The following C12orf42 variants were observed in gnomAD, a reference collection of about 807,000 sequenced individuals.
The protein encoded by C12orf42 is chromosome 12 open reading frame 42.
In C12orf42, 25 loss-of-function variants were observed where a neutral mutation model predicts 21.6. That is an observed-to-expected ratio of 1.16 (90% CI 0.84 to 1.62). The LOEUF is 1.62. C12orf42 is among the 40% of genes most tolerant of loss of function. The pLI, the probability that C12orf42 is intolerant of heterozygous loss-of-function variation, is 0.00. For missense variants in C12orf42, 483 were observed against 459.3 expected (o/e 1.05, Z -0.47); for synonymous variants, 174 against 175.0 (o/e 0.99, Z 0.05).
At chr12:103,341,112 CAAAAAAAA>C (rs34154888) in intron 4 of C12orf42, among the ~76,000 whole-genome samples, 2 of 47,684 alleles carry the variant, frequency 4.2e-5, no homozygotes, top group African/African-American at 8.0e-5. Flanking sequence ...GACTCTGTCT[CAAAAAAAA>C]AAAAAAAAAA....
At chr12:103,106,810 GAATT>G in the C12orf42 span, among the ~76,000 whole-genome samples, 1 of 151,836 alleles carries the variant, frequency 6.6e-6, no homozygotes, top group African/African-American at 2.4e-5. Flanking sequence ...CAAGAAATAG[GAATT>G]AATTTAACTC....
chr12:103,549,155 A>G, the C12orf42 span, among the ~76,000 whole-genome samples: 4 of 152,366 alleles, frequency 2.6e-5, no homozygotes, highest in African/African-American at 7.2e-5. Flanking sequence ...ATGAAGATCT[A>G]TAAGGTCTCA....
chr12:103,097,857 G>C, the C12orf42 span, among the ~76,000 whole-genome samples: 7 of 152,200 alleles, frequency 4.6e-5, no homozygotes, highest in Non-Finnish European at 1.0e-4. Context: ...GGACACAAAA[G>C]CTGCTTTTGA....
rs200037193 is a variant in C12orf42, at chr12:103,368,321, A to T, written c.259+566T>A. 5.7e-3 allele frequency among the ~76,000 whole-genome samples: 697 copies of T among 122,514 alleles called. 2 individuals carry two copies. The highest frequency in any genetic ancestry group is 0.014 in the African/African-American group (525 of 38,322). 80.4% of individuals were successfully genotyped at this position (122,514 alleles called of 152,430 possible). A position where few individuals can be genotyped will look rare whatever the true frequency, so the allele number is the denominator to read the frequency against. On this transcript the variant is annotated intron_variant, in intron 4 of 5. Transcript: ENST00000548883. Reference sequence around the variant, plus strand: ...CTCTCTTTCTGTCTCTCTCTCTCACACACACACACACACACACACACACAC... The same window carrying T: ...CTCTCTTTCTGTCTCTCTCTCTCACTCACACACACACACACACACACACAC...
intron 2 of C12orf42, among the ~76,000 whole-genome samples, chr12:103,440,250 G>A (rs1277088984): frequency 8.0e-6 from 1 of 125,724 alleles, no homozygotes; most frequent in East Asian, 2.4e-4. Flanking sequence ...ACACGCTGGG[G>A]ACTGTGGTGG....
chr12:103,200,620 T>C, the C12orf42 span, among the ~76,000 whole-genome samples: 4 of 152,190 alleles, frequency 2.6e-5, no homozygotes, highest in African/African-American at 9.7e-5. Context: ...ATTAATTATG[T>C]ATGTTGAATT....
At chr12:103,315,233 G>A (rs2039345952) in intron 4 of C12orf42, among the ~76,000 whole-genome samples, 2 of 152,040 alleles carry the variant, frequency 1.3e-5, no homozygotes, top group South Asian at 4.1e-4. Context: ...AAGAGACAAA[G>A]CAAGCATAAG....
chr12:103,478,248 A>G, intron 2 of C12orf42, 101 bp downstream of exon 2: 1 of 708,148 alleles, frequency 1.4e-6, no homozygotes. Flanking sequence ...CTAAAATATA[A>G]TATCAATGAC....
the C12orf42 span, among the ~76,000 whole-genome samples, chr12:103,198,767 CA>C: frequency 1.3e-5 from 2 of 152,196 alleles, no homozygotes. Flanking sequence ...CTGTGTTTAG[CA>C]ATCCCATGCA....
At chr12:103,230,222 G>A in the C12orf42 span, among the ~76,000 whole-genome samples, 2 of 151,316 alleles carry the variant, frequency 1.3e-5, no homozygotes, top group African/African-American at 4.9e-5. Context: ...CAAACAGCAT[G>A]TTAGCAAGGG....
the C12orf42 span, among the ~76,000 whole-genome samples, chr12:103,543,088 C>T: frequency 2.0e-5 from 3 of 152,104 alleles, no homozygotes; most frequent in Admixed American, 1.3e-4. Flanking sequence ...AACAACCAGG[C>T]TGTGGTTGAG....
At chr12:103,442,973 G>A (rs759097914) in intron 2 of C12orf42, among the ~76,000 whole-genome samples, 5 of 152,008 alleles carry the variant, frequency 3.3e-5, no homozygotes, top group Non-Finnish European at 7.4e-5. Flanking sequence ...TAGTAAACAC[G>A]GCAGGTGCTC....
intron 4 of C12orf42, among the ~76,000 whole-genome samples, chr12:103,333,151 A>G (rs555215318): frequency 1.3e-5 from 2 of 152,278 alleles, no homozygotes; most frequent in Admixed American, 6.5e-5. Flanking sequence ...ATGTTGCCAC[A>G]TTTCTCCTTC....
the C12orf42 span, among the ~76,000 whole-genome samples, chr12:103,169,045 G>T: frequency 1.3e-5 from 2 of 151,996 alleles, no homozygotes; most frequent in Non-Finnish European, 2.9e-5. Context: ...AGCATTAGGA[G>T]AAATAACTAA....
At chr12:103,049,442 C>T in the C12orf42 span, among the ~76,000 whole-genome samples, 3 of 152,312 alleles carry the variant, frequency 2.0e-5, no homozygotes, top group African/African-American at 7.2e-5. Context: ...AAGCTAGCGT[C>T]ATCTTTCACC....
the C12orf42 span, among the ~76,000 whole-genome samples, chr12:103,148,011 A>G: frequency 3.3e-5 from 5 of 152,214 alleles, no homozygotes; most frequent in African/African-American, 1.2e-4. Context: ...TTAGTCATAC[A>G]GAAGAGAACC....
intron 4 of C12orf42, among the ~76,000 whole-genome samples, chr12:103,352,220 G>A (rs1247364763): frequency 2.0e-5 from 3 of 152,248 alleles, no homozygotes; most frequent in African/African-American, 7.2e-5. Context: ...ACTGGTGAGG[G>A]TAGAATTCTC....
the C12orf42 span, among the ~76,000 whole-genome samples, chr12:103,073,840 A>G: frequency 6.6e-6 from 1 of 152,214 alleles, no homozygotes; most frequent in Non-Finnish European, 1.5e-5. Flanking sequence ...GTGTATCACT[A>G]GCTTCTTAAT....
the C12orf42 span, among the ~76,000 whole-genome samples, chr12:103,169,771 A>G: frequency 3.2e-5 from 4 of 125,424 alleles, no homozygotes; most frequent in East Asian, 2.8e-4. Flanking sequence ...TAAAAATAAA[A>G]AGGATAAAAT....
Sources: gnomAD v4.1 joint callset for allele counts (sites outside exome capture counted in the v4.1 genomes callset) on GRCh38, gnomAD v4.1.1 for gene constraint, MANE v1.5 for transcripts, NCBI Gene and HGNC (gene_info 2026-07-23, HGNC 2026-07-21) for gene names.